The following MYO1E variants were observed in gnomAD, a reference collection of about 807,000 sequenced individuals.
The protein encoded by MYO1E is unconventional myosin-Ie.
MYO1E carries 68 observed loss-of-function variants against 151.1 expected under a neutral mutation model. That is an observed-to-expected ratio of 0.45 (90% CI 0.37 to 0.55). MYO1E has a LOEUF of 0.55. Ranked by LOEUF, MYO1E falls within the 20% of genes least tolerant of loss-of-function variation. MYO1E has a pLI of 0.00. For synonymous variants in MYO1E, 601 were observed against 501.7 expected, an observed-to-expected ratio of 1.20 and a Z score of -2.64; for missense variants, 1,363 against 1,389.3, an observed-to-expected ratio of 0.98 and a Z score of 0.30.
At chr15:59,325,849 T>C (rs2080660451) in intron 1 of MYO1E, among the ~76,000 whole-genome samples, 1 of 152,204 alleles carries the variant, frequency 6.6e-6, no homozygotes, top group African/African-American at 2.4e-5. Context: ...TTTCAGTGTC[T>C]GACCTGTCAA....
chr15:59,256,374 T>C lies in MYO1E; in HGVS notation c.242A>G (p.Gln81Arg). The C allele has an allele frequency of 6.3e-7, 1 of 1,598,706 alleles. No individual in the cohort carries two copies. The highest frequency in any genetic ancestry group is 8.5e-7 in the Non-Finnish European group (1 of 1,170,358). ...KEIEMYQGAA[Q>R]YENPPHIYAL... Reference sequence around the variant, plus strand: ...ATAGATATGTGGTGGGTTTTCATACTGTGCCTAGAAAAGCAAAAAATAATA... The same window carrying C: ...ATAGATATGTGGTGGGTTTTCATACCGTGCCTAGAAAAGCAAAAAATAATA... Residue 81 changes from glutamine (Q) to arginine (R), a missense_variant, in exon 4 of 28, where the codon CAG becomes CGG. By Grantham distance (43) the Gln-to-Arg change is conservative. Coordinates refer to ENST00000288235, the MANE Select transcript of MYO1E (RefSeq NM_004998.4).
rs2079384981 is a variant in MYO1E at position 59,138,193 on chromosome 15, C to T, written c.3250+5G>A. The T allele has an allele frequency of 6.2e-7, 1 of 1,614,058 alleles. No homozygotes were observed. The highest frequency in any genetic ancestry group is 1.3e-5 in the African/African-American group (1 of 74,928). On this transcript the variant is annotated splice_donor_5th_base_variant and intron_variant, in intron 27 of 27. Coordinates refer to ENST00000288235, the MANE Select transcript of MYO1E (RefSeq NM_004998.4). ...GCTGTCCCAGCCAACCAGCCACACA[C>T]TTACCTTCTTTGATAATATCAATAA...
Position 59,210,541 on chromosome 15 carries a change from G to A in MYO1E, c.1335C>T (p.Ile445=), listed in dbSNP as rs200815044. Residue 445 remains isoleucine, a synonymous_variant, in exon 13 of 28, where the codon ATC becomes ATT. Transcript: ENST00000288235. ...WTPIEYFNNK[I]VCDLIENKVN... ...CTTTGTTCTCTATGAGGTCACATAC[G>A]ATTTTATTATTAAAGTACTCAATGG... 26 of 1,602,974 alleles carry A rather than the reference G, an allele frequency of 1.6e-5. No homozygotes were observed. The highest frequency in any genetic ancestry group is 3.3e-5 in the Admixed American group (2 of 59,994).
chr15:59,195,685 A>G (rs1206471306), intron 16 of MYO1E, 118 bp from the exon 17 acceptor site: 3 of 1,031,346 alleles, frequency 2.9e-6, no homozygotes, highest in Non-Finnish European at 4.5e-6. Flanking sequence ...TCTTCATGAC[A>G]ATTTGCTCGT....
At chr15:59,317,984 G>C (rs559825539) in intron 1 of MYO1E, among the ~76,000 whole-genome samples, 1 of 152,306 alleles carries the variant, frequency 6.6e-6, no homozygotes, top group South Asian at 2.1e-4. Context: ...CATAGAGCCA[G>C]AATTCAAACG....
At chr15:59,343,400 GTTAT>G (rs1461601287) in intron 1 of MYO1E, among the ~76,000 whole-genome samples, 1 of 151,802 alleles carries the variant, frequency 6.6e-6, no homozygotes, top group Non-Finnish European at 1.5e-5. Context: ...TCCATCATAT[GTTAT>G]TTGTTTATTT....
chr15:59,207,031 C>T (rs368244889), intron 14 of MYO1E: 94 of 1,614,106 alleles, frequency 5.8e-5, no homozygotes, highest in Non-Finnish European at 7.5e-5. Context: ...CCTGTGTCCG[C>T]GTCAAGCAAC....
At position 59,221,009 on chromosome 15, in the gene MYO1E, A is replaced by T. The variant is rs868710271; in HGVS notation, c.910+2050T>A. Among the ~76,000 whole-genome samples, 101 of 145,840 alleles carry T rather than the reference A, an allele frequency of 6.9e-4. 1 individual carries two copies. Among genetic ancestry groups the T allele is most frequent in the Non-Finnish European group, 1.2e-3 (81 of 66,736 alleles). ...ACATTATATATATAATTATATATAT[A>T]ATATATATATAAAATTTATATATAT... is the stretch of plus-strand genomic sequence containing the variant. On this transcript the variant is annotated intron_variant, in intron 9 of 27. Transcript: ENST00000288235.
intron 23 of MYO1E, among the ~76,000 whole-genome samples, chr15:59,162,312 C>CA (rs2079542206): frequency 6.6e-6 from 1 of 152,128 alleles, no homozygotes; most frequent in Non-Finnish European, 1.5e-5. Flanking sequence ...AACAGTATGC[C>CA]AGCCAGTACC....
chr15:59,169,312 A>T (rs1465371283), intron 22 of MYO1E, among the ~76,000 whole-genome samples: 1 of 152,222 alleles, frequency 6.6e-6, no homozygotes, highest in African/African-American at 2.4e-5. Flanking sequence ...AACTGTTAAA[A>T]TCTTTCTCTA....
chr15:59,242,950 A>T (rs1453120837), intron 4 of MYO1E, among the ~76,000 whole-genome samples: 1 of 152,194 alleles, frequency 6.6e-6, no homozygotes, highest in Non-Finnish European at 1.5e-5. Flanking sequence ...ACAGAGAACA[A>T]GATAGAAAAG....
intron 22 of MYO1E, among the ~76,000 whole-genome samples, chr15:59,168,112 A>G (rs1356898428): frequency 2.0e-5 from 3 of 152,204 alleles, no homozygotes; most frequent in Admixed American, 6.5e-5. Flanking sequence ...CTTGTAAATG[A>G]AAACTTCAAA....
In MYO1E at chr15:59,135,648, G is replaced by A. The variant is rs1251192355; in HGVS notation, c.*1732C>T. On this transcript the variant is annotated 3_prime_UTR_variant, in exon 28 of 28. Coordinates refer to ENST00000288235, the MANE Select transcript of MYO1E (RefSeq NM_004998.4). ...ATGGAGTTTGCTCCCTGTTCTTGAA[G>A]TAAAACACAGCAGAATTAAATGTAT... The A allele has an allele frequency of 6.6e-6, 1 of 152,208 alleles. No individual in the cohort carries two copies. The allele number at this position is 152,208 out of a possible 1,614,324, so 9.4% of individuals were successfully genotyped here. A position where few individuals can be genotyped will look rare whatever the true frequency, so the allele number is the denominator to read the frequency against.
At chr15:59,354,139 C>T (rs1468393168) in intron 1 of MYO1E, among the ~76,000 whole-genome samples, 3 of 152,122 alleles carry the variant, frequency 2.0e-5, no homozygotes, top group Non-Finnish European at 4.4e-5. Flanking sequence ...AATGACAATA[C>T]AGTTGAAAAA....
chr15:59,143,706 C>A (rs555304006), intron 26 of MYO1E, among the ~76,000 whole-genome samples: 30 of 152,286 alleles, frequency 2.0e-4, no homozygotes, highest in Admixed American at 4.6e-4. Flanking sequence ...GATGCAGGCT[C>A]CTGGGATTTC....
chr15:59,322,889 C>T lies in MYO1E; in HGVS notation c.3+49609G>A, dbSNP rs1186926860. On this transcript the variant is annotated intron_variant, in intron 1 of 27. Coordinates refer to ENST00000288235, the MANE Select transcript of MYO1E (RefSeq NM_004998.4). ...AGAAATGGTGCTTTCTGGCCGGGCA[C>T]GGTGGCTTACGCCTACAATTCCAGC... is the stretch of plus-strand genomic sequence containing the variant. Among the ~76,000 whole-genome samples the T allele has an allele frequency of 4.0e-5, 6 of 151,878 alleles. No homozygotes were observed. The East Asian group carries it at 7.7e-4, about 20-fold the overall frequency.
At chr15:59,324,202 C>T (rs1346851440) in intron 1 of MYO1E, among the ~76,000 whole-genome samples, 1 of 152,166 alleles carries the variant, frequency 6.6e-6, no homozygotes, top group African/African-American at 2.4e-5. Context: ...TGTTAGAAAA[C>T]CCAGACTCCA....
chr15:59,341,888 G>A (rs1421088346), intron 1 of MYO1E, among the ~76,000 whole-genome samples: 1 of 152,148 alleles, frequency 6.6e-6, no homozygotes, highest in Admixed American at 6.5e-5. Flanking sequence ...ACCTACCAAT[G>A]GAATTGCTGG....
chr15:59,352,289 C>A (rs528580622), intron 1 of MYO1E, among the ~76,000 whole-genome samples: 2 of 152,124 alleles, frequency 1.3e-5, no homozygotes, highest in Non-Finnish European at 2.9e-5. Flanking sequence ...TTGGCACGTC[C>A]CTAACCTTGG....
Sources: allele counts gnomAD v4.1 joint callset (sites outside exome capture counted in the v4.1 genomes callset), GRCh38; gene constraint gnomAD v4.1.1; transcripts MANE v1.5; gene names NCBI Gene and HGNC (gene_info 2026-07-23, HGNC 2026-07-21).